Variants in KIR2DL1 observed in about 807,000 individuals in gnomAD.
KIR2DL1 encodes killer cell immunoglobulin-like receptor 2DL1.
In KIR2DL1, 38 loss-of-function variants were observed where a neutral mutation model predicts 33.9. The observed-to-expected ratio is 1.12, with a 90% CI of 0.86 to 1.47. The LOEUF (loss-of-function observed/expected upper bound fraction) is 1.47. Ranked by LOEUF, KIR2DL1 falls within the 40% of genes most tolerant of loss-of-function variation. KIR2DL1 has a pLI of 0.00. For synonymous variants in KIR2DL1, 179 were observed against 165.9 expected, an observed-to-expected ratio of 1.08 and a Z score of -0.61; for missense variants, 531 against 433.9, an observed-to-expected ratio of 1.22 and a Z score of -1.99.
At chr19:54,783,453 C>G in intron 6 of KIR2DL1, 33 bp from the exon 7 acceptor site, 3 of 1,609,906 alleles carry the variant, frequency 1.9e-6, no homozygotes, top group African/African-American at 1.3e-5. Context: ...GAAGTGCCCT[C>G]CGAGCTGTTT....
Position 54,783,741 on chromosome 19 carries a change from C to G in KIR2DL1, c.975C>G (p.Pro325=), listed in dbSNP as rs2077341324. Residue 325 remains proline (P), a synonymous_variant, in exon 8 of 8, where the codon CCC becomes CCG. Transcript: ENST00000336077. Reference sequence around the variant, plus strand: ...GCCCTTCTCAGAGGCCCAAGACACCCCCAACAGATATCATCGTGTACACGG... The same window carrying G: ...GCCCTTCTCAGAGGCCCAAGACACCGCCAACAGATATCATCGTGTACACGG... ...ITRPSQRPKT[P]PTDIIVYTEL... 2 of 1,614,006 alleles carry G rather than the reference C, an allele frequency of 1.2e-6. No individual in the cohort carries two copies. Among genetic ancestry groups the G allele is most frequent in the East Asian group, 4.5e-5 (2 of 44,878 alleles).
At chr19:54,782,215 T>C (rs1354787815) in intron 5 of KIR2DL1, among the ~76,000 whole-genome samples, 4 of 103,030 alleles carry the variant, frequency 3.9e-5, no homozygotes, top group Non-Finnish European at 8.0e-5. Context: ...CTGCATGACG[T>C]CCTCCAGGAA....
chr19:54,775,381 A>G lies in KIR2DL1; in HGVS notation c.587A>G (p.Tyr196Cys), dbSNP rs2076208636. Residue 196 changes from tyrosine to cysteine, a missense_variant, in exon 4 of 8, where the codon TAC becomes TGC. Transcript: ENST00000336077. ...GGCCCTGCCACCCACGGAGGGACCT[A>G]CAGATGCTTCGGCTCTTTCCATGAC... is the stretch of plus-strand genomic sequence containing the variant. ...PLGPATHGGT[Y>C]RCFGSFHDSP... The G allele has an allele frequency of 6.3e-7, 1 of 1,584,048 alleles. No individual in the cohort carries two copies. The highest frequency in any genetic ancestry group is 1.1e-5 in the South Asian group (1 of 90,128).
chr19:54,770,891 CCTT>C lies in KIR2DL1; in HGVS notation c.70+10_70+12del. 1 of 1,583,302 alleles carries C rather than the reference CCTT, an allele frequency of 6.3e-7. No individual in the cohort carries two copies. Among genetic ancestry groups the C allele is most frequent in the African/African-American group, 1.4e-5 (1 of 73,640 alleles). On this transcript the variant is annotated splice_region_variant and intron_variant, in intron 2 of 7. Transcript: ENST00000336077. ...GGGGCCTGGCCACATGAGGGTGAGT[CCTT>C]CTCCCAACCTTCGGGTGTCATCTCC...
chr19:54,777,391 T>C (rs1433556116), intron 4 of KIR2DL1, among the ~76,000 whole-genome samples: 1 of 148,644 alleles, frequency 6.7e-6, no homozygotes, highest in Non-Finnish European at 1.5e-5. Context: ...TCACCCGGCC[T>C]AAAAGCCATT....
Position 54,770,928 on chromosome 19 carries a change from G to C in KIR2DL1, c.70+44G>C. The stretch of plus-strand genomic sequence containing the variant: ...CTTCGGGTGTCATCTCCCCACATAA[G>C]AGGATTTTCCTGAAATGGGAGGGAA... On this transcript the variant is annotated intron_variant, in intron 2 of 7. Transcript: ENST00000336077. 10 of 1,575,450 alleles carry C rather than the reference G, an allele frequency of 6.3e-6. 1 individual carries two copies. Among genetic ancestry groups the C allele is most frequent in the Non-Finnish European group, 8.7e-6 (10 of 1,148,982 alleles).
chr19:54,773,054 G>A (rs1237889494), intron 2 of KIR2DL1, among the ~76,000 whole-genome samples: 6 of 148,408 alleles, frequency 4.0e-5, no homozygotes. Context: ...ATAGACAGCA[G>A]GAAAGACATT....
In KIR2DL1 at chr19:54,770,967, G is replaced by A; in HGVS notation, c.70+83G>A. On this transcript the variant is annotated intron_variant, in intron 2 of 7. Coordinates refer to ENST00000336077, the MANE Select transcript of KIR2DL1 (RefSeq NM_014218.3). ...AATGGGAGGGAAGTCCTGTCAGGGA[G>A]TCTCTCATAAACTAGGAAGAAGGGA... The A allele has an allele frequency of 8.5e-6, 13 of 1,535,424 alleles. 1 individual carries two copies. The highest frequency in any genetic ancestry group is 1.2e-5 in the Non-Finnish European group (13 of 1,115,026).
At chr19:54,770,475 T>C (rs1304191233) in intron 1 of KIR2DL1, among the ~76,000 whole-genome samples, 4 of 142,612 alleles carry the variant, frequency 2.8e-5, no homozygotes, top group South Asian at 2.2e-4. Flanking sequence ...AGTGGAGATA[T>C]GGGACTGGAG....
chr19:54,774,296 G>C (rs2076083209), intron 3 of KIR2DL1, among the ~76,000 whole-genome samples: 1 of 148,082 alleles, frequency 6.8e-6, no homozygotes, highest in Non-Finnish European at 1.5e-5. Flanking sequence ...GAATGAGCCA[G>C]AGGAAGGAGA....
chr19:54,783,334 T>A (rs2077260701), intron 6 of KIR2DL1, 152 bp from the exon 7 acceptor site: 1 of 823,184 alleles, frequency 1.2e-6, no homozygotes, highest in Non-Finnish European at 2.0e-6. Context: ...GGATGGGTCC[T>A]TGAGCTCAGA....
chr19:54,777,806 C>G, intron 4 of KIR2DL1, among the ~76,000 whole-genome samples: 1 of 148,614 alleles, frequency 6.7e-6, no homozygotes, highest in Non-Finnish European at 1.5e-5. Context: ...AGGTTCAGGC[C>G]TTAGACTCAC....
At chr19:54,777,479 G>A (rs4806556) in intron 4 of KIR2DL1, among the ~76,000 whole-genome samples, 18,856 of 145,562 alleles carry the variant, frequency 0.13, 4 homozygotes, top group South Asian at 0.2. Context: ...GCACTTTTTC[G>A]TATGTGGGGA....
At position 54,773,372 on chromosome 19, in the gene KIR2DL1, G is replaced by C. The variant is rs35509911; in HGVS notation, c.110G>C (p.Arg37Pro). The C allele has an allele frequency of 0.27, 413,022 of 1,552,278 alleles. 60,909 individuals are homozygous for C. Among genetic ancestry groups the C allele is most frequent in the Non-Finnish European group, 0.3 (338,829 of 1,130,680 alleles). Reference protein sequence around the residue: ...RKPSLLAHPGRLVKSEETVIL... With the variant: ...RKPSLLAHPGPLVKSEETVIL... ...CCTTCCCTCCTGGCCCACCCAGGTCGCCTGGTGAAATCAGAAGAGACAGTC... is the reference window on the plus strand; with the variant it reads ...CCTTCCCTCCTGGCCCACCCAGGTCCCCTGGTGAAATCAGAAGAGACAGTC... The change falls in exon 3 of 8, where the codon CGC becomes CCC. Residue 37 changes from arginine to proline, a missense_variant. Arg to Pro is a moderately radical substitution (Grantham distance 103). Coordinates refer to ENST00000336077, the MANE Select transcript of KIR2DL1 (RefSeq NM_014218.3).
At chr19:54,782,378 A>G (rs2077077245) in intron 5 of KIR2DL1, among the ~76,000 whole-genome samples, 1 of 152,040 alleles carries the variant, frequency 6.6e-6, no homozygotes, top group African/African-American at 2.4e-5. Context: ...TGCAGGCTGT[A>G]CTGGAAGCAT....
chr19:54,771,053 G>T (rs1235476597), intron 2 of KIR2DL1, among the ~76,000 whole-genome samples, 169 bp downstream of exon 2: 3 of 148,714 alleles, frequency 2.0e-5, no homozygotes, highest in Admixed American at 6.8e-5. Context: ...TCCCTTGGCA[G>T]AGTCAAGTTC....
intron 5 of KIR2DL1, among the ~76,000 whole-genome samples, chr19:54,782,158 G>A (rs1416098322): frequency 6.6e-6 from 1 of 151,830 alleles, no homozygotes; most frequent in Admixed American, 6.6e-5. Flanking sequence ...AAGCAGCCCA[G>A]CCTGGGTTTT....
At position 54,783,962 on chromosome 19, in the gene KIR2DL1, A is replaced by C. The variant is rs2077385143; in HGVS notation, c.*149A>C. 8.2e-7 allele frequency: 1 copy of C among 1,225,118 alleles called. No homozygotes were observed. The highest frequency in any genetic ancestry group is 1.5e-5 in the African/African-American group (1 of 66,838). 75.9% of individuals were successfully genotyped at this position (1,225,118 alleles called of 1,614,324 possible). On this transcript the variant is annotated 3_prime_UTR_variant, in exon 8 of 8. Transcript: ENST00000336077. ...CGATCTTCCTCACACCACAAATCTG[A>C]ATGTGCCTCTCTCTTGCTTACAAAT...
chr19:54,773,312 A>G, intron 2 of KIR2DL1, 21 bp from the exon 3 acceptor site: 1 of 1,588,346 alleles, frequency 6.3e-7, no homozygotes, highest in Non-Finnish European at 8.6e-7. Context: ...CACCTTCTAA[A>G]CTCACAACCT....
Sources: gnomAD v4.1 joint callset for allele counts (sites outside exome capture counted in the v4.1 genomes callset) on GRCh38, gnomAD v4.1.1 for gene constraint, MANE v1.5 for transcripts, NCBI Gene and HGNC (gene_info 2026-07-23, HGNC 2026-07-21) for gene names.